The following CNTN5 variants were observed in gnomAD, a reference collection of about 807,000 sequenced individuals.
CNTN5 encodes contactin 5.
CNTN5 carries 77 observed loss-of-function variants against 129.1 expected under a neutral mutation model. The observed-to-expected ratio is 0.60, with a 90% CI of 0.50 to 0.72. The LOEUF (loss-of-function observed/expected upper bound fraction) is 0.72, where lower values mean the gene tolerates loss of function less well. Ranked by LOEUF, CNTN5 falls within the 30% of genes least tolerant of loss-of-function variation. The pLI is 0.00. For synonymous variants in CNTN5, 509 were observed against 465.6 expected (o/e 1.09, Z -1.20); for missense variants, 1,478 against 1,328.8 (o/e 1.11, Z -1.75).
chr11:99,834,911 G>A (rs1459743347), intron 4 of CNTN5, among the ~76,000 whole-genome samples: 1 of 152,190 alleles, frequency 6.6e-6, no homozygotes, highest in African/African-American at 2.4e-5. Context: ...TCTTGCCCTA[G>A]CCATTTATTT....
At chr11:99,884,789 C>A (rs10894059) in intron 6 of CNTN5, among the ~76,000 whole-genome samples, 44,084 of 151,970 alleles carry the variant, frequency 0.29, 6,760 homozygotes, top group African/African-American at 0.32. Context: ...ACAGCCTGAC[C>A]AAAATGGTGA....
intron 9 of CNTN5, among the ~76,000 whole-genome samples, chr11:100,020,225 C>T (rs1053224755): frequency 6.6e-6 from 1 of 152,026 alleles, no homozygotes; most frequent in East Asian, 1.9e-4. Flanking sequence ...AATCAAGAAG[C>T]TTTTTCCTCT....
chr11:100,122,402 C>A (rs1027240799), intron 13 of CNTN5, among the ~76,000 whole-genome samples: 1 of 152,042 alleles, frequency 6.6e-6, no homozygotes. Flanking sequence ...AAGGATGGAT[C>A]TTCCCTGCTC....
chr11:99,878,726 C>T lies in CNTN5; in HGVS notation c.577+33464C>T, dbSNP rs1056086625. 5.3e-5 allele frequency among the ~76,000 whole-genome samples: 8 copies of T among 152,020 alleles called. No homozygotes were observed. In the East Asian group the frequency reaches 9.9e-4, roughly 19 times the overall value. ...CAAAAATTAGCCGGGCGTGGTGGCG[C>T]GTGCCTGTAGTCCCGCTACTAGGGA... is the stretch of plus-strand genomic sequence containing the variant. On this transcript the variant is annotated intron_variant, in intron 6 of 24. Coordinates refer to ENST00000524871, the MANE Select transcript of CNTN5 (RefSeq NM_014361.4).
chr11:100,259,414 A>C (rs1950151125), intron 17 of CNTN5, among the ~76,000 whole-genome samples: 1 of 152,158 alleles, frequency 6.6e-6, no homozygotes, highest in African/African-American at 2.4e-5. Context: ...AAGGATATTC[A>C]GGACTTAAAC....
chr11:99,372,752 T>C (rs1287543491), intron 2 of CNTN5, among the ~76,000 whole-genome samples: 1 of 152,234 alleles, frequency 6.6e-6, no homozygotes, highest in African/African-American at 2.4e-5. Flanking sequence ...ATGCCTAGAT[T>C]TACCTACAAA....
intron 6 of CNTN5, among the ~76,000 whole-genome samples, chr11:99,904,783 C>A (rs1282681248): frequency 2.0e-5 from 3 of 152,178 alleles, no homozygotes; most frequent in African/African-American, 4.8e-5. Flanking sequence ...TCCAATTTCT[C>A]CACATCCTCT....
At chr11:99,896,528 A>G (rs1021622253) in intron 6 of CNTN5, among the ~76,000 whole-genome samples, 8 of 152,160 alleles carry the variant, frequency 5.3e-5, no homozygotes, top group South Asian at 4.2e-4. Flanking sequence ...TTCCCTGCCA[A>G]ACAGAACTCA....
chr11:99,306,233 G>T (rs1487741834), intron 1 of CNTN5, among the ~76,000 whole-genome samples: 2 of 152,048 alleles, frequency 1.3e-5, no homozygotes, highest in East Asian at 1.9e-4. Context: ...TCAGACAATT[G>T]GTTTAAAATC....
At position 100,350,710 on chromosome 11, in the gene CNTN5, T is replaced by C; in HGVS notation, c.3039T>C (p.Tyr1013=). 1 of 1,599,114 alleles carries C rather than the reference T, an allele frequency of 6.3e-7. No individual in the cohort carries two copies. Among genetic ancestry groups the C allele is most frequent in the Non-Finnish European group, 8.5e-7 (1 of 1,172,710 alleles). ...CTTGTTATTACTCTCAGGTTTTTTA[T>C]AGGCAAGAGGGTCACAGCAACAGCC... ...ESEVVGYKVF[Y]RQEGHSNSQV... Residue 1013 remains tyrosine, a synonymous_variant, in exon 24 of 25, where the codon TAT becomes TAC. Transcript: ENST00000524871.
chr11:99,568,448 T>C (rs1949075536), intron 3 of CNTN5, among the ~76,000 whole-genome samples: 1 of 152,220 alleles, frequency 6.6e-6, no homozygotes, highest in South Asian at 2.1e-4. Context: ...ATGGTAAGAA[T>C]TGTTTTACTG....
intron 16 of CNTN5, among the ~76,000 whole-genome samples, chr11:100,242,810 C>A (rs955804715): frequency 2.0e-5 from 3 of 152,136 alleles, no homozygotes; most frequent in Non-Finnish European, 2.9e-5. Flanking sequence ...GAATATGTAA[C>A]CCCTTTTCCC....
At chr11:99,354,619 AC>A (rs2136090682) in intron 2 of CNTN5, among the ~76,000 whole-genome samples, 1 of 152,258 alleles carries the variant, frequency 6.6e-6, no homozygotes, top group East Asian at 1.9e-4. Context: ...AGTGAATTTT[AC>A]CAGCATAACC....
At chr11:99,745,762 A>C (rs569537007) in intron 3 of CNTN5, among the ~76,000 whole-genome samples, 25 of 151,970 alleles carry the variant, frequency 1.6e-4, no homozygotes, top group Middle Eastern at 3.4e-3. Flanking sequence ...TAATTCATTG[A>C]AAATTTTTAT....
intron 18 of CNTN5, among the ~76,000 whole-genome samples, chr11:100,287,115 C>A (rs1231824956): frequency 6.6e-6 from 1 of 152,092 alleles, no homozygotes; most frequent in African/African-American, 2.4e-5. Flanking sequence ...TGTGAAAAGA[C>A]CAAATCTACG....
intron 3 of CNTN5, among the ~76,000 whole-genome samples, chr11:99,616,888 A>G (rs764400321): frequency 6.6e-6 from 1 of 152,240 alleles, no homozygotes; most frequent in Non-Finnish European, 1.5e-5. Context: ...AGGCGGGTCG[A>G]TGACCTGAGG....
chr11:100,241,705 G>A (rs1411455522), intron 16 of CNTN5, among the ~76,000 whole-genome samples: 1 of 152,140 alleles, frequency 6.6e-6, no homozygotes, highest in Non-Finnish European at 1.5e-5. Flanking sequence ...CTTGTGTGGG[G>A]AAAGGATGGT....
intron 16 of CNTN5, among the ~76,000 whole-genome samples, chr11:100,242,505 G>A (rs1158348827): frequency 6.6e-6 from 1 of 152,148 alleles, no homozygotes; most frequent in East Asian, 1.9e-4. Context: ...TGGCTGAGGA[G>A]GCCTCAGGAA....
At chr11:99,911,618 A>G (rs1044211286) in intron 6 of CNTN5, among the ~76,000 whole-genome samples, 4 of 151,710 alleles carry the variant, frequency 2.6e-5, no homozygotes, top group South Asian at 2.1e-4. Context: ...CAGGTACTCT[A>G]TTTCCCTCCA....
Sources: allele counts gnomAD v4.1 joint callset (sites outside exome capture counted in the v4.1 genomes callset), GRCh38; gene constraint gnomAD v4.1.1; transcripts MANE v1.5; gene names NCBI Gene and HGNC (gene_info 2026-07-23, HGNC 2026-07-21).